USP37: variants seen among roughly 807,000 people sequenced by gnomAD.
USP37 encodes the protein ubiquitin carboxyl-terminal hydrolase 37.
USP37 carries 27 observed loss-of-function variants against 124.0 expected under a neutral mutation model. The observed-to-expected ratio is 0.22, with a 90% CI of 0.16 to 0.30. USP37 has a LOEUF of 0.30. Among genes scored for constraint, USP37 ranks in the 10% least tolerant of loss-of-function variants. The probability of loss-of-function intolerance (pLI) is 1.00; values close to 1 mark genes in which losing one functional copy is unlikely to be tolerated. For synonymous variants in USP37, 365 were observed against 388.0 expected, an observed-to-expected ratio of 0.94 and a Z score of 0.70; for missense variants, 889 against 1,140.4, an observed-to-expected ratio of 0.78 and a Z score of 3.17.
intron 23 of USP37, among the ~76,000 whole-genome samples, 169 bp from the exon 24 acceptor site, chr2:218,457,330 C>T (rs1292513808): frequency 6.6e-6 from 1 of 152,146 alleles, no homozygotes; most frequent in African/African-American, 2.4e-5. Context: ...CCACCCTCAA[C>T]TAAGAATTTA....
chr2:218,474,964 C>T (rs1288488320), intron 19 of USP37, 79 bp from the exon 20 acceptor site: 18 of 1,437,692 alleles, frequency 1.3e-5, no homozygotes, highest in South Asian at 1.5e-5. Context: ...AAAGTAGCAA[C>T]TTTATTTCTA....
intron 4 of USP37, among the ~76,000 whole-genome samples, chr2:218,554,101 A>C (rs1692812090): frequency 6.6e-6 from 1 of 152,238 alleles, no homozygotes; most frequent in Admixed American, 6.5e-5. Flanking sequence ...AAATGGAGAC[A>C]TTAATTAAAG....
At chr2:218,552,689 G>C (rs960700995) in intron 5 of USP37, among the ~76,000 whole-genome samples, 1 of 152,106 alleles carries the variant, frequency 6.6e-6, no homozygotes, top group African/African-American at 2.4e-5. Flanking sequence ...GGGGTTAGAG[G>C]GGGCAGAGGA....
intron 9 of USP37, among the ~76,000 whole-genome samples, chr2:218,531,530 T>C (rs1691322053): frequency 6.6e-6 from 1 of 152,186 alleles, no homozygotes. Context: ...TAACTCAACA[T>C]CCATTCTACA....
chr2:218,538,462 C>G (rs564918151), intron 8 of USP37, among the ~76,000 whole-genome samples: 1 of 152,272 alleles, frequency 6.6e-6, no homozygotes, highest in East Asian at 1.9e-4. Context: ...TAATGCTCAC[C>G]AGAGAACAAC....
chr2:218,510,058 G>GT lies in USP37; in HGVS notation c.945dup (p.Leu316ThrfsTer4). On this transcript the variant is annotated frameshift_variant, in exon 11 of 26. Coordinates refer to ENST00000258399, the MANE Select transcript of USP37 (RefSeq NM_020935.3). LOFTEE classifies it high-confidence loss of function. The stretch of plus-strand genomic sequence containing the variant: ...CCAGTGTAATCCTGGTTACACCTCA[G>GT]TTTTTTAACAGAAAGAGGAACTGGC... The GT allele has an allele frequency of 6.2e-7, 1 of 1,613,272 alleles. No individual in the cohort carries two copies.
intron 23 of USP37, 39 bp from the exon 24 acceptor site, chr2:218,457,200 T>A: frequency 6.3e-7 from 1 of 1,582,456 alleles, no homozygotes; most frequent in Non-Finnish European, 8.6e-7. Context: ...AAGTCTTCAT[T>A]TGAATAAAAG....
intron 13 of USP37, 80 bp from the exon 14 acceptor site, chr2:218,496,030 A>C: frequency 7.1e-7 from 1 of 1,408,036 alleles, no homozygotes; most frequent in Non-Finnish European, 9.6e-7. Flanking sequence ...GTTGTGCCTC[A>C]TACCTGTAAT....
intron 5 of USP37, among the ~76,000 whole-genome samples, chr2:218,551,941 C>T (rs947955605): frequency 6.6e-6 from 1 of 152,010 alleles, no homozygotes; most frequent in Non-Finnish European, 1.5e-5. Flanking sequence ...TACAGGCACT[C>T]GCCACCATGC....
At chr2:218,527,457 C>G (rs1691043542) in intron 10 of USP37, among the ~76,000 whole-genome samples, 1 of 152,112 alleles carries the variant, frequency 6.6e-6, no homozygotes, top group African/African-American at 2.4e-5. Context: ...GTTTGAAGTC[C>G]CAGCTATTGA....
At chr2:218,479,024 C>T (rs763604475) in intron 18 of USP37, among the ~76,000 whole-genome samples, 8 of 151,988 alleles carry the variant, frequency 5.3e-5, no homozygotes, top group Non-Finnish European at 1.0e-4. Context: ...AAAAGTCAAA[C>T]GACAACTAAA....
chr2:218,526,806 T>TTTTTTTG (rs1690994058), intron 10 of USP37, among the ~76,000 whole-genome samples: 1 of 144,870 alleles, frequency 6.9e-6, no homozygotes, highest in East Asian at 2.0e-4. Context: ...TTTTTTTTTT[T>TTTTTTTG]GGGACGGAGT....
chr2:218,477,090 C>T lies in USP37; in HGVS notation c.1902-109G>A, dbSNP rs374330886. 38 of 1,245,278 alleles carry T rather than the reference C, an allele frequency of 3.1e-5. No homozygotes were observed. In the African/African-American group the frequency reaches 4.9e-4, roughly 16 times the overall value. The allele number at this position is 1,245,278 out of a possible 1,614,324, so 77.1% of individuals were successfully genotyped here. ...TTTTCCATTACGGAAAATTACTTAA[C>T]AGAAAAAAAAGATATATCAAAAGAG... On this transcript the variant is annotated intron_variant, in intron 18 of 25. Coordinates refer to ENST00000258399, the MANE Select transcript of USP37 (RefSeq NM_020935.3).
chr2:218,498,225 A>G (rs1689175702), intron 11 of USP37, 68 bp from the exon 12 acceptor site: 2 of 1,440,380 alleles, frequency 1.4e-6, no homozygotes, highest in Non-Finnish European at 1.8e-6. Flanking sequence ...GTATAGTAGG[A>G]GTTCTCCACT....
At chr2:218,490,229 T>C (rs71415837) in intron 14 of USP37, among the ~76,000 whole-genome samples, 4,923 of 152,226 alleles carry the variant, frequency 0.032, 102 homozygotes, top group East Asian at 0.12. Context: ...CAGGCACCTG[T>C]AGTCCGGAGG....
intron 17 of USP37, among the ~76,000 whole-genome samples, chr2:218,480,056 G>C (rs1382306567): frequency 1.3e-5 from 2 of 151,716 alleles, no homozygotes; most frequent in Non-Finnish European, 1.5e-5. Context: ...TGAGGCATGA[G>C]AATTGCTTGA....
At chr2:218,507,350 G>T (rs919037338) in intron 11 of USP37, among the ~76,000 whole-genome samples, 7 of 150,624 alleles carry the variant, frequency 4.6e-5, no homozygotes, top group African/African-American at 1.7e-4. Flanking sequence ...TACAGACAGG[G>T]TTTCACCATG....
chr2:218,506,941 C>A (rs1184870952), intron 11 of USP37, among the ~76,000 whole-genome samples: 2 of 151,774 alleles, frequency 1.3e-5, no homozygotes. Flanking sequence ...GGATTACAGG[C>A]ACCCGCCACC....
chr2:218,487,133 A>C (rs569557754), intron 15 of USP37, among the ~76,000 whole-genome samples: 2 of 152,190 alleles, frequency 1.3e-5, no homozygotes, highest in Non-Finnish European at 2.9e-5. Flanking sequence ...GCAAATTTCC[A>C]CTAGTTTATA....
Sources: allele counts gnomAD v4.1 joint callset (sites outside exome capture counted in the v4.1 genomes callset), GRCh38; gene constraint gnomAD v4.1.1; transcripts MANE v1.5; gene names NCBI Gene and HGNC (gene_info 2026-07-23, HGNC 2026-07-21).